The following IFNGR2 variants were observed in gnomAD, a reference collection of about 807,000 sequenced individuals.
The protein encoded by IFNGR2 is IFN-gamma receptor 2.
Under a neutral mutation model 41.1 loss-of-function variants are expected in IFNGR2, and 15 were observed. The observed-to-expected ratio is 0.37, with a 90% CI of 0.24 to 0.56. IFNGR2 has a LOEUF of 0.56. IFNGR2 is among the 20% of genes least tolerant of loss of function. The probability of loss-of-function intolerance (pLI) is 0.81; values close to 1 mark genes in which losing one functional copy is unlikely to be tolerated. For missense variants in IFNGR2, 362 were observed against 415.7 expected (o/e 0.87, Z 1.12); for synonymous variants, 161 against 171.6 (o/e 0.94, Z 0.48).
chr21:33,434,246 G>A (rs2083920703), intron 6 of IFNGR2, among the ~76,000 whole-genome samples: 1 of 152,178 alleles, frequency 6.6e-6, no homozygotes, highest in South Asian at 2.1e-4. Context: ...TTGCAGCCGG[G>A]CGCAGTGACC....
chr21:33,414,825 T>G, intron 1 of IFNGR2, 63 bp from the exon 2 acceptor site: 1 of 1,517,778 alleles, frequency 6.6e-7, no homozygotes, highest in African/African-American at 1.4e-5. Context: ...TTGAAACATT[T>G]TTGTAATTAT....
chr21:33,418,016 T>TTTTA (rs1285751984), intron 2 of IFNGR2, among the ~76,000 whole-genome samples: 12 of 152,192 alleles, frequency 7.9e-5, no homozygotes, highest in Admixed American at 5.9e-4. Flanking sequence ...TGGTTTTATT[T>TTTTA]TTTATTTATT....
In IFNGR2 at chr21:33,421,494, G is replaced by A; in HGVS notation, c.221G>A (p.Trp74Ter). ...TTCCTTCCCAGCACCGACAGTAAAT[G>A]GTTCACGGCCGACATCATGTCCATA... is the stretch of plus-strand genomic sequence containing the variant. ...QVQFKYTDSKWFTADIMSIGV... is the reference protein window; with the variant it reads ...QVQFKYTDSK The change falls in exon 3 of 7, where the codon TGG (tryptophan) becomes TAG (stop). Residue 74 changes from tryptophan to a stop codon, truncating the protein, a stop_gained. Transcript: ENST00000290219. LOFTEE classifies it high-confidence loss of function. The A allele has an allele frequency of 6.2e-7, 1 of 1,613,886 alleles. No homozygotes were observed. The highest frequency in any genetic ancestry group is 8.5e-7 in the Non-Finnish European group (1 of 1,179,808).
At chr21:33,408,772 T>TTC (rs2083695578) in intron 1 of IFNGR2, among the ~76,000 whole-genome samples, 2 of 152,196 alleles carry the variant, frequency 1.3e-5, no homozygotes, top group Non-Finnish European at 2.9e-5. Flanking sequence ...AGTGCTAGAA[T>TTC]AGAAATATTT....
chr21:33,421,324 TC>T (rs1396046305), intron 2 of IFNGR2, among the ~76,000 whole-genome samples, 155 bp from the exon 3 acceptor site: 1 of 50,828 alleles, frequency 2.0e-5, no homozygotes, highest in East Asian at 7.3e-4. Flanking sequence ...AGAGCAAAAC[TC>T]CATCTCAAAA....
intron 1 of IFNGR2, among the ~76,000 whole-genome samples, chr21:33,407,144 G>A (rs1335995139): frequency 6.6e-6 from 1 of 152,088 alleles, no homozygotes; most frequent in Non-Finnish European, 1.5e-5. Context: ...CCTGAGTGTT[G>A]AGGAATTAAG....
In IFNGR2 at chr21:33,420,000, C is replaced by A. The variant is rs372545967; in HGVS notation, c.207-1480C>A. Among the ~76,000 whole-genome samples, 136 of 152,242 alleles carry A rather than the reference C, an allele frequency of 8.9e-4. 1 individual carries two copies. The highest frequency in any genetic ancestry group is 3.1e-3 in the African/African-American group (130 of 41,546). On this transcript the variant is annotated intron_variant, in intron 2 of 6. Transcript: ENST00000290219. The stretch of plus-strand genomic sequence containing the variant: ...ACCTCTTCCAGAGCACGCCCCTCAC[C>A]CCCGACCTGAGAGGAGAGGCTCGTG...
At chr21:33,408,352 C>T (rs998614575) in intron 1 of IFNGR2, among the ~76,000 whole-genome samples, 1 of 151,982 alleles carries the variant, frequency 6.6e-6, no homozygotes, top group Non-Finnish European at 1.5e-5. Flanking sequence ...TGCACCACCG[C>T]ACCTGGCTAA....
chr21:33,434,408 G>C (rs2083922768), intron 6 of IFNGR2, among the ~76,000 whole-genome samples: 2 of 152,190 alleles, frequency 1.3e-5, no homozygotes, highest in Admixed American at 1.3e-4. Context: ...TGTAATCCCA[G>C]CTACATGAGA....
chr21:33,427,841 C>CT (rs2083851840), intron 4 of IFNGR2, among the ~76,000 whole-genome samples: 1,354 of 116,764 alleles, frequency 0.012, 28 homozygotes, highest in East Asian at 0.019. Flanking sequence ...CATCTCATTT[C>CT]ATCTTTTTTT....
At chr21:33,433,617 G>A (rs569331545) in intron 6 of IFNGR2, among the ~76,000 whole-genome samples, 4 of 152,120 alleles carry the variant, frequency 2.6e-5, no homozygotes, top group African/African-American at 9.6e-5. Flanking sequence ...GGAGGGAAGT[G>A]GGAAGTTCGT....
At chr21:33,433,912 G>A (rs575559143) in intron 6 of IFNGR2, among the ~76,000 whole-genome samples, 4 of 152,132 alleles carry the variant, frequency 2.6e-5, no homozygotes, top group East Asian at 1.9e-4. Context: ...CCAGGGAAGT[G>A]GCCTGGCTGG....
intron 4 of IFNGR2, among the ~76,000 whole-genome samples, chr21:33,429,685 C>T (rs2083869453): frequency 6.6e-6 from 1 of 152,164 alleles, no homozygotes; most frequent in Non-Finnish European, 1.5e-5. Flanking sequence ...AGGGCTTTTT[C>T]TGGGGGCTGG....
intron 1 of IFNGR2, among the ~76,000 whole-genome samples, chr21:33,409,271 A>G (rs2083699954): frequency 6.6e-6 from 1 of 150,998 alleles, no homozygotes; most frequent in Non-Finnish European, 1.5e-5. Context: ...GATCAAGACC[A>G]TCCTGGCTAA....
At position 33,421,468 on chromosome 21, in the gene IFNGR2, TTTCC is replaced by T; in HGVS notation, c.207-7_207-4del. 6.2e-7 allele frequency: 1 copy of T among 1,610,314 alleles called. No individual in the cohort carries two copies. The highest frequency in any genetic ancestry group is 8.5e-7 in the Non-Finnish European group (1 of 1,176,472). On this transcript the variant is annotated splice_polypyrimidine_tract_variant and splice_region_variant and intron_variant, in intron 2 of 6. Coordinates refer to ENST00000290219, the MANE Select transcript of IFNGR2 (RefSeq NM_005534.4). Reference sequence around the variant, plus strand: ...AGAATTCTGTGAATTGAAATCCTTTTTTCCTTCCCAGCACCGACAGTAAATGGTT... The same window carrying T: ...AGAATTCTGTGAATTGAAATCCTTTTTTCCCAGCACCGACAGTAAATGGTT...
At chr21:33,413,733 G>A (rs754296351) in intron 1 of IFNGR2, among the ~76,000 whole-genome samples, 1 of 151,096 alleles carries the variant, frequency 6.6e-6, no homozygotes, top group Non-Finnish European at 1.5e-5. Flanking sequence ...AGAGGTTGTG[G>A]TTGTTTCTTC....
intron 5 of IFNGR2, 48 bp downstream of exon 5, chr21:33,432,384 C>A (rs151260100): frequency 2.6e-6 from 4 of 1,547,382 alleles, no homozygotes; most frequent in South Asian, 1.1e-5. Flanking sequence ...AAAGAATACT[C>A]CTCCAATAGT....
intron 1 of IFNGR2, chr21:33,411,523 C>T (rs1196420225): frequency 4.2e-6 from 2 of 470,844 alleles, no homozygotes; most frequent in Admixed American, 2.4e-5. Context: ...CCTCAGAGTC[C>T]GTGAACCTGG....
chr21:33,437,218 T>TA lies in IFNGR2; in HGVS notation c.*261dup. 1 of 461,302 alleles carries TA rather than the reference T, an allele frequency of 2.2e-6. No individual in the cohort carries two copies. Among genetic ancestry groups the TA allele is most frequent in the South Asian group, 2.3e-5 (1 of 42,862 alleles). 28.6% of individuals were successfully genotyped at this position (461,302 alleles called of 1,614,324 possible). ...GAAAATTAAGGCTTCTCTTAAACAC[T>TA]AAAAAGGCATGTAATTGCTTGTTAG... is the stretch of plus-strand genomic sequence containing the variant. On this transcript the variant is annotated 3_prime_UTR_variant, in exon 7 of 7. Transcript: ENST00000290219.
Sources: gnomAD v4.1 joint callset for allele counts (sites outside exome capture counted in the v4.1 genomes callset) on GRCh38, gnomAD v4.1.1 for gene constraint, MANE v1.5 for transcripts, NCBI Gene and HGNC (gene_info 2026-07-23, HGNC 2026-07-21) for gene names.